The following ASTN2 variants were observed in gnomAD, a reference collection of about 807,000 sequenced individuals.
ASTN2 encodes the protein astrotactin 2.
Under a neutral mutation model 139.8 loss-of-function variants are expected in ASTN2, and 54 were observed. The observed-to-expected ratio is 0.39, with a 90% CI of 0.31 to 0.48. The LOEUF (loss-of-function observed/expected upper bound fraction) is 0.48, where lower values mean the gene tolerates loss of function less well. Among genes scored for constraint, ASTN2 ranks in the 20% least tolerant of loss-of-function variants. The pLI is 0.95. For missense variants in ASTN2, 1,565 were observed against 1,725.1 expected (o/e 0.91, Z 1.64); for synonymous variants, 756 against 719.5 (o/e 1.05, Z -0.81).
chr9:116,479,828 CT>C (rs1180488069), intron 20 of ASTN2, among the ~76,000 whole-genome samples: 1 of 152,196 alleles, frequency 6.6e-6, no homozygotes, highest in African/African-American at 2.4e-5. Context: ...AGCTTCCACT[CT>C]GACCCCTGTC....
At chr9:116,774,409 G>T (rs1444388723) in intron 13 of ASTN2, among the ~76,000 whole-genome samples, 22 of 152,168 alleles carry the variant, frequency 1.4e-4, no homozygotes, top group Admixed American at 1.4e-3. Flanking sequence ...ATTTGGGAGT[G>T]GGTTGAAGAT....
intron 1 of ASTN2, among the ~76,000 whole-genome samples, chr9:117,314,943 A>G (rs7027746): frequency 0.015 from 2,001 of 130,280 alleles, 22 homozygotes; most frequent in Admixed American, 0.021. Flanking sequence ...AATATGTAAT[A>G]TAATATACAC....
intron 5 of ASTN2, among the ~76,000 whole-genome samples, chr9:117,054,398 A>T (rs1418173513): frequency 6.6e-6 from 1 of 152,204 alleles, no homozygotes; most frequent in African/African-American, 2.4e-5. Context: ...GAAGAAATCC[A>T]TTCATTCAAC....
intron 2 of ASTN2, among the ~76,000 whole-genome samples, chr9:117,223,266 A>G (rs774034110): frequency 6.6e-6 from 1 of 152,166 alleles, no homozygotes; most frequent in Non-Finnish European, 1.5e-5. Context: ...ATTTGGTAAT[A>G]GAGACATTTT....
At chr9:116,912,777 C>A (rs781656242) in intron 10 of ASTN2, among the ~76,000 whole-genome samples, 1 of 152,020 alleles carries the variant, frequency 6.6e-6, no homozygotes, top group Non-Finnish European at 1.5e-5. Context: ...GGCTGGGGCT[C>A]GTGAGGTGGG....
intron 16 of ASTN2, among the ~76,000 whole-genome samples, chr9:116,708,839 ATTAC>A (rs1828065331): frequency 6.6e-6 from 1 of 152,136 alleles, no homozygotes; most frequent in African/African-American, 2.4e-5. Flanking sequence ...CGTTTATACT[ATTAC>A]TTAAGCTCAC....
chr9:117,270,651 G>A lies in ASTN2; in HGVS notation c.630+20675C>T, dbSNP rs569000990. On this transcript the variant is annotated intron_variant, in intron 2 of 22. Transcript: ENST00000313400. ...TGAGTGGCTCTGTGATCTTGGACAT[G>A]ATAAACTTTTCTAAACTTCAATCTT... Among the ~76,000 whole-genome samples, 6 of 152,264 alleles carry A rather than the reference G, an allele frequency of 3.9e-5. No individual in the cohort carries two copies. The South Asian group carries it at 1.2e-3, about 32-fold the overall frequency.
At chr9:117,313,186 CTG>C (rs1284497616) in intron 1 of ASTN2, among the ~76,000 whole-genome samples, 1 of 152,210 alleles carries the variant, frequency 6.6e-6, no homozygotes, top group Non-Finnish European at 1.5e-5. Flanking sequence ...CTAGAGTCCC[CTG>C]TGCAGTGTTT....
chr9:117,369,017 T>C (rs533977956), intron 1 of ASTN2, among the ~76,000 whole-genome samples: 1 of 152,254 alleles, frequency 6.6e-6, no homozygotes, highest in South Asian at 2.1e-4. Context: ...CTAATGAAGA[T>C]AGAAAATCTT....
At chr9:116,976,322 T>C (rs1564367626) in intron 8 of ASTN2, 134 bp from the exon 9 acceptor site, 1 of 695,156 alleles carries the variant, frequency 1.4e-6, no homozygotes, top group African/African-American at 1.8e-5. Flanking sequence ...AGACTACTTA[T>C]ATTATAAAAG....
intron 5 of ASTN2, among the ~76,000 whole-genome samples, chr9:117,040,554 G>T (rs1443959592): frequency 6.6e-6 from 1 of 152,172 alleles, no homozygotes; most frequent in Non-Finnish European, 1.5e-5. Context: ...CGCCACACGG[G>T]TTCAAGTGAT....
At chr9:116,620,604 G>A (rs1319045961) in intron 17 of ASTN2, among the ~76,000 whole-genome samples, 161 bp from the exon 18 acceptor site, 1 of 152,056 alleles carries the variant, frequency 6.6e-6, no homozygotes, top group Non-Finnish European at 1.5e-5. Context: ...TCTACTATCA[G>A]GGTCTCCCAT....
Position 116,779,224 on chromosome 9 carries a change from G to A in ASTN2, c.2396+26408C>T, listed in dbSNP as rs116313824. 8.2e-3 allele frequency among the ~76,000 whole-genome samples: 1,243 copies of A among 152,096 alleles called. 12 individuals are homozygous for A. Among genetic ancestry groups the A allele is most frequent in the African/African-American group, 0.028 (1,158 of 41,484 alleles). ...GGTGGGGTCTTTTGGTAGGTGTTTG[G>A]GTCATAAAGGCTCCACTCTCATTAA... On this transcript the variant is annotated intron_variant, in intron 13 of 22. Coordinates refer to ENST00000313400, the MANE Select transcript of ASTN2 (RefSeq NM_001365068.1).
intron 19 of ASTN2, among the ~76,000 whole-genome samples, chr9:116,599,954 C>T (rs1047318567): frequency 6.6e-6 from 1 of 152,114 alleles, no homozygotes; most frequent in Non-Finnish European, 1.5e-5. Flanking sequence ...AAACCCTAGT[C>T]CTATAGCCTG....
At chr9:116,948,057 AC>A (rs759315871) in intron 10 of ASTN2, among the ~76,000 whole-genome samples, 16 of 152,220 alleles carry the variant, frequency 1.1e-4, no homozygotes, top group Non-Finnish European at 1.9e-4. Context: ...TTCAGGACTT[AC>A]GTCTTCAGAT....
intron 11 of ASTN2, among the ~76,000 whole-genome samples, chr9:116,852,919 G>A (rs981232367): frequency 1.5e-4 from 13 of 83,946 alleles, no homozygotes; most frequent in African/African-American, 6.4e-4. Context: ...ACACACACAC[G>A]GTTAAGATCA....
chr9:116,976,332 G>T lies in ASTN2; in HGVS notation c.1677-144C>A, dbSNP rs548094156. ...GGGCAAGACTACTTATATTATAAAA[G>T]AATGTCTCCAATTTACAGAAGGATT... On this transcript the variant is annotated intron_variant, in intron 8 of 22. Transcript: ENST00000313400. 22 of 666,122 alleles carry T rather than the reference G, an allele frequency of 3.3e-5. No individual in the cohort carries two copies. The South Asian group carries it at 3.9e-4, about 12-fold the overall frequency. The allele number at this position is 666,122 out of a possible 1,614,324, so 41.3% of individuals were successfully genotyped here. A position where few individuals can be genotyped will look rare whatever the true frequency, so the allele number is the denominator to read the frequency against.
At chr9:117,253,643 T>C (rs1833600941) in intron 2 of ASTN2, among the ~76,000 whole-genome samples, 1 of 152,204 alleles carries the variant, frequency 6.6e-6, no homozygotes, top group Admixed American at 6.5e-5. Context: ...AGGGATTACC[T>C]GCTCCATTTA....
chr9:117,253,860 A>T lies in ASTN2; in HGVS notation c.630+37466T>A, dbSNP rs576946791. Among the ~76,000 whole-genome samples the T allele has an allele frequency of 3.9e-5, 6 of 152,242 alleles. No individual in the cohort carries two copies. The South Asian group carries it at 1.2e-3, about 32-fold the overall frequency. The stretch of plus-strand genomic sequence containing the variant: ...CTGGCCTCGGAAATGCAGTAGCCTG[A>T]GCAGCTCCTATGCCTTATTTCTTCC... On this transcript the variant is annotated intron_variant, in intron 2 of 22. Coordinates refer to ENST00000313400, the MANE Select transcript of ASTN2 (RefSeq NM_001365068.1).
Sources: allele counts gnomAD v4.1 joint callset (sites outside exome capture counted in the v4.1 genomes callset), GRCh38; gene constraint gnomAD v4.1.1; transcripts MANE v1.5; gene names NCBI Gene and HGNC (gene_info 2026-07-23, HGNC 2026-07-21).